SYT14: variants seen among roughly 807,000 people sequenced by gnomAD.
SYT14 encodes synaptotagmin-14.
SYT14 carries 32 observed loss-of-function variants against 74.2 expected under a neutral mutation model. The ratio of observed to expected loss-of-function variants is 0.43; its 90% CI spans 0.33 to 0.58. The LOEUF (loss-of-function observed/expected upper bound fraction) is 0.58, where lower values mean the gene tolerates loss of function less well. Among genes scored for constraint, SYT14 ranks in the 20% least tolerant of loss-of-function variants. The pLI is 0.05. For missense variants in SYT14, 791 were observed against 981.8 expected (o/e 0.81, Z 2.60); for synonymous variants, 298 against 337.7 (o/e 0.88, Z 1.29).
At chr1:209,983,987 A>G (rs945044663) in intron 2 of SYT14, among the ~76,000 whole-genome samples, 2 of 152,208 alleles carry the variant, frequency 1.3e-5, no homozygotes, top group African/African-American at 4.8e-5. Flanking sequence ...ATCTGTGGTC[A>G]GACAAGGACC....
intron 1 of SYT14, among the ~76,000 whole-genome samples, chr1:209,945,976 A>G (rs1326163390): frequency 6.6e-6 from 1 of 152,086 alleles, no homozygotes; most frequent in Non-Finnish European, 1.5e-5. Context: ...AATTCTTGTT[A>G]TATTTGAAAC....
At chr1:210,020,771 A>T (rs2080284262) in intron 4 of SYT14, among the ~76,000 whole-genome samples, 1 of 152,196 alleles carries the variant, frequency 6.6e-6, no homozygotes, top group Non-Finnish European at 1.5e-5. Context: ...AGAATATACA[A>T]ACTGATCTTT....
chr1:210,101,252 T>C (rs1218183418), intron 7 of SYT14, among the ~76,000 whole-genome samples: 1 of 152,216 alleles, frequency 6.6e-6, no homozygotes, highest in Non-Finnish European at 1.5e-5. Flanking sequence ...GTGTGCATTA[T>C]GGTTTATATT....
At chr1:209,979,755 C>T (rs762715669) in intron 2 of SYT14, among the ~76,000 whole-genome samples, 16 of 152,166 alleles carry the variant, frequency 1.1e-4, no homozygotes, top group Non-Finnish European at 1.9e-4. Context: ...GCTTGTGGCT[C>T]CATCCATGTC....
chr1:209,976,559 G>T (rs530027978), intron 2 of SYT14, among the ~76,000 whole-genome samples: 1 of 151,674 alleles, frequency 6.6e-6, no homozygotes, highest in Non-Finnish European at 1.5e-5. Context: ...TTGCACTGTG[G>T]TCTGAGAGAC....
At chr1:210,162,294 C>A (rs530622070) in exon 10 of SYT14, 2 of 440,716 alleles carry the variant, frequency 4.5e-6, no homozygotes, top group Non-Finnish European at 9.0e-6. Context: ...CAAAATTAAG[C>A]CTTCGATTTT....
intron 5 of SYT14, among the ~76,000 whole-genome samples, chr1:210,044,700 A>AT (rs1466131383): frequency 6.6e-6 from 1 of 152,172 alleles, no homozygotes; most frequent in African/African-American, 2.4e-5. Context: ...GGCTCTTCTC[A>AT]TATTACTATA....
chr1:209,947,825 C>T (rs1217826994), intron 1 of SYT14, among the ~76,000 whole-genome samples: 4 of 152,172 alleles, frequency 2.6e-5, no homozygotes, highest in African/African-American at 9.7e-5. Flanking sequence ...GTGTGGTAAA[C>T]TTCATTGTCT....
intron 2 of SYT14, among the ~76,000 whole-genome samples, chr1:210,004,057 T>C (rs1413038055): frequency 4.6e-5 from 7 of 152,058 alleles, no homozygotes; most frequent in Admixed American, 3.3e-4. Flanking sequence ...GAATGATTAG[T>C]TTTCACCAGT....
In SYT14 at chr1:210,007,699, T is replaced by C. The variant is rs1247474257; in HGVS notation, c.-485-5934T>C. The stretch of plus-strand genomic sequence containing the variant: ...ACTTTGGTCATATAGCTTTTTCTTA[T>C]CTTTTATATGCAGGTTGGCATACAA... On this transcript the variant is annotated intron_variant, in intron 2 of 9. Transcript: ENST00000637265. Among the ~76,000 whole-genome samples, 4 of 152,132 alleles carry C rather than the reference T, an allele frequency of 2.6e-5. No homozygotes were observed. The East Asian group carries it at 7.7e-4, about 29-fold the overall frequency.
intron 6 of SYT14, among the ~76,000 whole-genome samples, chr1:210,097,352 A>G (rs1572292538): frequency 6.6e-6 from 1 of 152,192 alleles, no homozygotes; most frequent in East Asian, 1.9e-4. Context: ...AACGCTGTTG[A>G]TAACCTATTG....
At chr1:210,155,366 G>C (rs1210340755) in intron 7 of SYT14, among the ~76,000 whole-genome samples, 1 of 152,118 alleles carries the variant, frequency 6.6e-6, no homozygotes. Flanking sequence ...TTGATGTATT[G>C]AGTCTAAATC....
chr1:209,980,246 A>G (rs1228866129), intron 2 of SYT14, among the ~76,000 whole-genome samples: 3 of 152,032 alleles, frequency 2.0e-5, no homozygotes, highest in Non-Finnish European at 4.4e-5. Flanking sequence ...TGTTGGCTGC[A>G]TGTGTATCTT....
intron 7 of SYT14, among the ~76,000 whole-genome samples, chr1:210,141,372 T>C (rs2082911356): frequency 6.6e-6 from 1 of 152,226 alleles, no homozygotes; most frequent in South Asian, 2.1e-4. Flanking sequence ...TTGATTTTCA[T>C]ATATTGATCA....
chr1:209,972,658 G>T (rs1297756702), intron 2 of SYT14, among the ~76,000 whole-genome samples: 1 of 152,126 alleles, frequency 6.6e-6, no homozygotes, highest in Non-Finnish European at 1.5e-5. Context: ...GTGTGGTTTT[G>T]AGAGATCTTC....
At chr1:209,960,436 A>T (rs1474401053) in intron 2 of SYT14, among the ~76,000 whole-genome samples, 2 of 152,206 alleles carry the variant, frequency 1.3e-5, no homozygotes, top group Non-Finnish European at 2.9e-5. Context: ...CATTGGGAAG[A>T]TGTATAGAAT....
At chr1:210,106,321 A>G (rs971906206) in intron 7 of SYT14, among the ~76,000 whole-genome samples, 1 of 152,182 alleles carries the variant, frequency 6.6e-6, no homozygotes, top group Non-Finnish European at 1.5e-5. Flanking sequence ...ATAGTCCCTC[A>G]GAGTTGTCCC....
In SYT14 at chr1:210,100,110, C is replaced by G. The variant is rs563767806; in HGVS notation, c.1683C>G (p.Asp561Glu). The G allele has an allele frequency of 5.0e-6, 8 of 1,614,072 alleles. No homozygotes were observed. The Admixed American group carries it at 1.2e-4, about 24-fold the overall frequency. ...CACTGGATGTGACTTTTGACTATGACTCACAAGAACAGAAGCTTCTGGTAA... is the reference window on the plus strand; with the variant it reads ...CACTGGATGTGACTTTTGACTATGAGTCACAAGAACAGAAGCTTCTGGTAA... The change falls in exon 7 of 10, where the codon GAC becomes GAG. Residue 561 changes from aspartate (D) to glutamate (E), a missense_variant. Coordinates refer to ENST00000637265, the Ensembl canonical transcript of SYT14.
At chr1:210,154,204 C>G (rs2083223834) in intron 7 of SYT14, among the ~76,000 whole-genome samples, 1 of 152,232 alleles carries the variant, frequency 6.6e-6, no homozygotes, top group East Asian at 1.9e-4. Flanking sequence ...AGCATCTCTT[C>G]TGGTTGGTAA....
Sources: allele counts gnomAD v4.1 joint callset (sites outside exome capture counted in the v4.1 genomes callset), GRCh38; gene constraint gnomAD v4.1.1; transcripts MANE v1.5; gene names NCBI Gene and HGNC (gene_info 2026-07-23, HGNC 2026-07-21).